The following STXBP5L variants were observed in gnomAD, a reference collection of about 807,000 sequenced individuals.
The protein encoded by STXBP5L is syntaxin-binding protein 5-like.
A neutral mutation model predicts 144.5 loss-of-function variants in STXBP5L; 65 were observed. The observed-to-expected ratio is 0.45, with a 90% CI of 0.37 to 0.55. The LOEUF (loss-of-function observed/expected upper bound fraction) is 0.55. Among genes scored for constraint, STXBP5L ranks in the 20% least tolerant of loss-of-function variants. The pLI is 0.00. For synonymous variants in STXBP5L, 505 were observed against 469.6 expected, an observed-to-expected ratio of 1.08 and a Z score of -0.97; for missense variants, 1,298 against 1,405.5, an observed-to-expected ratio of 0.92 and a Z score of 1.22.
chr3:121,196,303 T>A (rs2047917757), intron 9 of STXBP5L, among the ~76,000 whole-genome samples: 1 of 151,364 alleles, frequency 6.6e-6, no homozygotes, highest in Non-Finnish European at 1.5e-5. Flanking sequence ...CCTGGCTAAT[T>A]TTTTTTTGTA....
At chr3:121,403,381 CTGTT>C (rs544356995) in intron 22 of STXBP5L, among the ~76,000 whole-genome samples, 105 of 152,210 alleles carry the variant, frequency 6.9e-4, no homozygotes, top group Middle Eastern at 3.4e-3. Flanking sequence ...ACTCTAGACT[CTGTT>C]TGTACACTAG....
At position 121,404,063 on chromosome 3, in the gene STXBP5L, T is replaced by C. The variant is rs141073164; in HGVS notation, c.2588-3180T>C. 3.8e-3 allele frequency among the ~76,000 whole-genome samples: 572 copies of C among 152,262 alleles called. 3 individuals are homozygous for C. The highest frequency in any genetic ancestry group is 8.1e-3 in the Admixed American group (123 of 15,264). The stretch of plus-strand genomic sequence containing the variant: ...TGGACCTCTCCACAAATTCCTAACA[T>C]ATATCCAGCTATTTGATATCCATTT... On this transcript the variant is annotated intron_variant, in intron 22 of 26. Coordinates refer to ENST00000471454, the MANE Select transcript of STXBP5L (RefSeq NM_001308330.2).
intron 9 of STXBP5L, among the ~76,000 whole-genome samples, chr3:121,203,445 C>G (rs1244684397): frequency 1.3e-5 from 2 of 152,008 alleles, no homozygotes; most frequent in African/African-American, 2.4e-5. Context: ...TTTTTTAATA[C>G]AGTGAATTTT....
chr3:121,276,072 C>G (rs1205135142), intron 18 of STXBP5L, among the ~76,000 whole-genome samples: 3 of 148,380 alleles, frequency 2.0e-5, no homozygotes, highest in Non-Finnish European at 3.0e-5. Flanking sequence ...CCCACTCCCC[C>G]TTTTTTTTTT....
At chr3:121,190,669 G>A (rs2047614039) in intron 9 of STXBP5L, among the ~76,000 whole-genome samples, 3 of 151,954 alleles carry the variant, frequency 2.0e-5, no homozygotes, top group Non-Finnish European at 4.4e-5. Flanking sequence ...TGGGGTGGCT[G>A]GCTGGGCGGC....
intron 9 of STXBP5L, among the ~76,000 whole-genome samples, chr3:121,182,225 C>G (rs1577136858): frequency 6.6e-6 from 1 of 152,152 alleles, no homozygotes; most frequent in African/African-American, 2.4e-5. Flanking sequence ...ATACATTCTT[C>G]TCATCAGCAC....
chr3:121,223,430 G>A (rs1015757794), intron 11 of STXBP5L, among the ~76,000 whole-genome samples: 1 of 152,096 alleles, frequency 6.6e-6, no homozygotes. Context: ...TCTGATAAGG[G>A]TCCAGGGTGA....
chr3:121,021,839 G>A (rs1945578952), intron 3 of STXBP5L, among the ~76,000 whole-genome samples: 1 of 151,916 alleles, frequency 6.6e-6, no homozygotes, highest in Non-Finnish European at 1.5e-5. Context: ...GACAATCTAA[G>A]GTCACACCTC....
intron 2 of STXBP5L, among the ~76,000 whole-genome samples, chr3:120,916,295 T>C (rs1709097497): frequency 6.6e-6 from 1 of 152,126 alleles, no homozygotes; most frequent in South Asian, 2.1e-4. Flanking sequence ...TGTTTTATAT[T>C]TATTTTTATC....
intron 19 of STXBP5L, among the ~76,000 whole-genome samples, chr3:121,315,860 G>C (rs1490645819): frequency 6.6e-6 from 1 of 151,842 alleles, no homozygotes; most frequent in African/African-American, 2.4e-5. Context: ...AAATTAGCTG[G>C]GCTTGGTGGC....
intron 3 of STXBP5L, among the ~76,000 whole-genome samples, chr3:121,038,448 G>A (rs1490989131): frequency 6.6e-6 from 1 of 151,656 alleles, no homozygotes; most frequent in Non-Finnish European, 1.5e-5. Context: ...ATTCAATTGT[G>A]GTCAGAAACT....
chr3:121,206,815 A>G (rs1400767594), intron 10 of STXBP5L, among the ~76,000 whole-genome samples: 1 of 152,202 alleles, frequency 6.6e-6, no homozygotes, highest in Admixed American at 6.5e-5. Flanking sequence ...CTCTGTCTCA[A>G]AAAGAAAAAA....
intron 7 of STXBP5L, among the ~76,000 whole-genome samples, chr3:121,125,777 A>G (rs2044676369): frequency 6.6e-6 from 1 of 152,182 alleles, no homozygotes; most frequent in African/African-American, 2.4e-5. Flanking sequence ...AAGATGTGCT[A>G]CAACATAAGG....
chr3:121,284,379 G>C (rs1381189954), intron 19 of STXBP5L, among the ~76,000 whole-genome samples: 2 of 151,958 alleles, frequency 1.3e-5, no homozygotes, highest in Non-Finnish European at 2.9e-5. Flanking sequence ...ACCACCATCA[G>C]AGCCCTGTTG....
chr3:121,037,809 G>A (rs1212235786), intron 3 of STXBP5L, among the ~76,000 whole-genome samples: 3 of 151,828 alleles, frequency 2.0e-5, no homozygotes, highest in Non-Finnish European at 4.4e-5. Flanking sequence ...TTTTCTTTGA[G>A]GAAATAATTT....
chr3:120,944,128 G>A (rs1229790961), intron 2 of STXBP5L, among the ~76,000 whole-genome samples: 1 of 151,496 alleles, frequency 6.6e-6, no homozygotes, highest in African/African-American at 2.4e-5. Flanking sequence ...GGAGGATGGG[G>A]ATGTGGGAAG....
At chr3:120,958,590 C>T (rs1938330485) in intron 3 of STXBP5L, among the ~76,000 whole-genome samples, 1 of 152,178 alleles carries the variant, frequency 6.6e-6, no homozygotes. Context: ...GGATGCAAGT[C>T]TGGTTCAACA....
intron 20 of STXBP5L, 65 bp from the exon 21 acceptor site, chr3:121,378,651 G>T: frequency 6.7e-7 from 1 of 1,492,752 alleles, no homozygotes; most frequent in Non-Finnish European, 9.0e-7. Context: ...TAATCTACAC[G>T]CTTGTATTCC....
chr3:121,201,558 C>G (rs138714635), intron 9 of STXBP5L, among the ~76,000 whole-genome samples: 1 of 151,808 alleles, frequency 6.6e-6, no homozygotes, highest in African/African-American at 2.4e-5. Flanking sequence ...ATAATTATGA[C>G]GCTAGCTGGT....
Sources: allele counts gnomAD v4.1 joint callset (sites outside exome capture counted in the v4.1 genomes callset), GRCh38; gene constraint gnomAD v4.1.1; transcripts MANE v1.5; gene names NCBI Gene and HGNC (gene_info 2026-07-23, HGNC 2026-07-21).